Variants in DEAF1 observed in about 807,000 individuals in gnomAD.
DEAF1 encodes the protein DEAF1 transcription factor, also known as deformed epidermal autoregulatory factor 1 homolog.
Under a neutral mutation model 58.9 loss-of-function variants are expected in DEAF1, and 53 were observed. That is an observed-to-expected ratio of 0.90 (90% CI 0.72 to 1.13). The LOEUF (loss-of-function observed/expected upper bound fraction) is 1.13, where lower values mean the gene tolerates loss of function less well. DEAF1 is among the 50% of genes most tolerant of loss of function. The pLI is 0.00. For missense variants in DEAF1, 685 were observed against 791.4 expected (o/e 0.87, Z 1.61); for synonymous variants, 385 against 340.4 (o/e 1.13, Z -1.44).
chr11:683,770 C>T (rs769969325), intron 6 of DEAF1, among the ~76,000 whole-genome samples: 17 of 152,156 alleles, frequency 1.1e-4, no homozygotes, highest in African/African-American at 1.9e-4. Context: ...CGTCTTTTGA[C>T]GTATTTCAAT....
intron 11 of DEAF1, 37 bp downstream of exon 11, chr11:653,925 A>C (rs762718497): frequency 8.2e-6 from 13 of 1,589,482 alleles, no homozygotes; most frequent in East Asian, 4.5e-5. Flanking sequence ...GCGAGGGAGG[A>C]GGCGGGGGCA....
At position 644,418 on chromosome 11, in the gene DEAF1, G is replaced by C. The variant is rs1232319657; in HGVS notation, c.*132C>G. 1.2e-5 allele frequency: 9 copies of C among 741,262 alleles called. No individual in the cohort carries two copies. The highest frequency in any genetic ancestry group is 4.7e-6 in the Non-Finnish European group (2 of 424,382). The allele number at this position is 741,262 out of a possible 1,614,324, so 45.9% of individuals were successfully genotyped here. A position where few individuals can be genotyped will look rare whatever the true frequency, so the allele number is the denominator to read the frequency against. ...TTCGCTTAAAGTGTGTTAATGACTTGTCCAGCAAGTTTCTTTACCTTCCCA... is the reference window on the plus strand; with the variant it reads ...TTCGCTTAAAGTGTGTTAATGACTTCTCCAGCAAGTTTCTTTACCTTCCCA... On this transcript the variant is annotated 3_prime_UTR_variant, in exon 12 of 12. Transcript: ENST00000382409. This position sits in a 1 kb window ranked among gnomAD's most constrained non-coding sequence, Gnocchi z 4.3.
intron 11 of DEAF1, among the ~76,000 whole-genome samples, chr11:651,797 A>T (rs1016397455): frequency 5.3e-5 from 8 of 152,116 alleles, no homozygotes; most frequent in Non-Finnish European, 8.8e-5. Flanking sequence ...GAGGCAGGAG[A>T]ATGGCGTGAA....
chr11:706,379 G>A (rs1279463971), intron 1 of DEAF1: 1 of 152,452 alleles, frequency 6.6e-6, no homozygotes, highest in Non-Finnish European at 1.5e-5. Context: ...CAGGACACCG[G>A]GACGAACGCG....
chr11:693,230 G>A (rs1175996013), intron 1 of DEAF1, among the ~76,000 whole-genome samples: 4 of 152,140 alleles, frequency 2.6e-5, no homozygotes, highest in South Asian at 2.1e-4. Flanking sequence ...AGAAAAATAC[G>A]TGCAAAAATG....
At chr11:648,976 C>T (rs1186544075) in intron 11 of DEAF1, among the ~76,000 whole-genome samples, 12 of 152,192 alleles carry the variant, frequency 7.9e-5, no homozygotes, top group Admixed American at 5.9e-4. Flanking sequence ...TTAGGTTTTG[C>T]GCAGTGGCTC....
intron 1 of DEAF1, chr11:703,549 A>G: frequency 8.1e-7 from 1 of 1,233,872 alleles, no homozygotes; most frequent in Non-Finnish European, 1.0e-6. Context: ...ATCACCCCCT[A>G]GTTCCCCAAT....
intron 10 of DEAF1, among the ~76,000 whole-genome samples, chr11:660,165 C>A (rs1427212980): frequency 6.6e-6 from 1 of 152,160 alleles, no homozygotes; most frequent in African/African-American, 2.4e-5. Context: ...GAGGAAGCAA[C>A]GGAAATAAGA....
At chr11:662,335 TTG>T (rs1859354965) in intron 10 of DEAF1, among the ~76,000 whole-genome samples, 2 of 152,234 alleles carry the variant, frequency 1.3e-5, no homozygotes, top group South Asian at 4.1e-4. Context: ...ATTCCTCTTC[TTG>T]CAGTGTGGCC....
intron 1 of DEAF1, among the ~76,000 whole-genome samples, 167 bp from the exon 2 acceptor site, chr11:691,765 C>T (rs1365309434): frequency 6.6e-6 from 1 of 152,164 alleles, no homozygotes; most frequent in Non-Finnish European, 1.5e-5. Flanking sequence ...ATTTCTATTC[C>T]ATTGTCTAAG....
chr11:653,415 G>A (rs199578941), intron 11 of DEAF1, among the ~76,000 whole-genome samples: 233 of 113,220 alleles, frequency 2.1e-3, no homozygotes, highest in Middle Eastern at 0.017. Flanking sequence ...CAATAATAGA[G>A]GAACTGTGGA....
chr11:698,765 T>G, upstream of DEAF1: 1 of 1,373,580 alleles, frequency 7.3e-7, no homozygotes, highest in Non-Finnish European at 1.0e-6. Flanking sequence ...AAATACGAGA[T>G]CAAAGGAAAA....
At chr11:677,199 C>T (rs2133373541) in intron 9 of DEAF1, among the ~76,000 whole-genome samples, 1 of 151,902 alleles carries the variant, frequency 6.6e-6, no homozygotes, top group Admixed American at 6.5e-5. Context: ...CTCCTGGCCT[C>T]GGCCTCCTAA....
At chr11:704,913 CG>C (rs1355160522) in intron 1 of DEAF1, 1 of 352,256 alleles carries the variant, frequency 2.8e-6, no homozygotes. Context: ...GGTGAGGGCA[CG>C]GGTGCACCGA....
chr11:691,588 T>C lies in DEAF1; in HGVS notation c.300A>G (p.Thr100=), dbSNP rs1194642955. ...AAAAAFAEVT[T]VTVANVGAAA... Reference sequence around the variant, plus strand: ...CAGCCCCCACGTTGGCCACTGTCACTGTGGTCACCTCTGCAACAGAAGGAG... The same window carrying C: ...CAGCCCCCACGTTGGCCACTGTCACCGTGGTCACCTCTGCAACAGAAGGAG... The change falls in exon 2 of 12, where the codon ACA becomes ACG. Residue 100 remains threonine (T), a synonymous_variant. Coordinates refer to ENST00000382409, the MANE Select transcript of DEAF1 (RefSeq NM_021008.4). 1 of 1,613,376 alleles carries C rather than the reference T, an allele frequency of 6.2e-7. No individual in the cohort carries two copies. The highest frequency in any genetic ancestry group is 1.3e-5 in the African/African-American group (1 of 74,922).
chr11:678,904 C>T (rs1316257311), intron 8 of DEAF1, 82 bp from the exon 9 acceptor site: 21 of 1,577,254 alleles, frequency 1.3e-5, no homozygotes, highest in Non-Finnish European at 1.8e-5. Flanking sequence ...ATGGCTGCGC[C>T]ATTCAGTACA....
At chr11:699,930 G>A (rs1861367271), upstream of DEAF1, 2 of 554,522 alleles carry the variant, frequency 3.6e-6, no homozygotes, top group South Asian at 4.1e-5. Context: ...CATGGAGGGG[G>A]GTCCCACAAA....
intron 10 of DEAF1, among the ~76,000 whole-genome samples, chr11:668,966 T>C (rs1464822594): frequency 1.3e-5 from 2 of 152,216 alleles, no homozygotes; most frequent in East Asian, 1.9e-4. Flanking sequence ...GCTGGGACTA[T>C]AGGTGCCTGC....
chr11:700,088 CT>C, upstream of DEAF1: 1 of 1,502,342 alleles, frequency 6.7e-7, no homozygotes, highest in Non-Finnish European at 9.2e-7. Context: ...GTTCAGCCAC[CT>C]GGGAGGCTGC....
Sources: allele counts gnomAD v4.1 joint callset (sites outside exome capture counted in the v4.1 genomes callset), GRCh38; gene constraint gnomAD v4.1.1; non-coding constraint Gnocchi (gnomAD v3.1); transcripts MANE v1.5; gene names NCBI Gene and HGNC (gene_info 2026-07-23, HGNC 2026-07-21).